Variants in BRSK2 observed in about 807,000 individuals in gnomAD.
BRSK2 encodes the protein BR serine/threonine kinase 2.
BRSK2 carries 19 observed loss-of-function variants against 83.3 expected under a neutral mutation model. The ratio of observed to expected loss-of-function variants is 0.23; its 90% CI spans 0.16 to 0.33. BRSK2 has a LOEUF of 0.33. Ranked by LOEUF, BRSK2 falls within the 10% of genes least tolerant of loss-of-function variation. The probability of loss-of-function intolerance (pLI) is 1.00; values close to 1 mark genes in which losing one functional copy is unlikely to be tolerated. For synonymous variants in BRSK2, 519 were observed against 435.4 expected (o/e 1.19, Z -2.39); for missense variants, 798 against 1,042.3 (o/e 0.77, Z 3.23).
chr11:1,428,307 C>T (rs1227911146), intron 1 of BRSK2, among the ~76,000 whole-genome samples: 6 of 152,328 alleles, frequency 3.9e-5, no homozygotes, highest in East Asian at 3.9e-4. Flanking sequence ...GCCTCAAGGA[C>T]GTGGGCAGGA....
At chr11:1,428,013 T>C (rs921369836) in intron 1 of BRSK2, among the ~76,000 whole-genome samples, 3 of 152,174 alleles carry the variant, frequency 2.0e-5, no homozygotes, top group Admixed American at 6.5e-5. Flanking sequence ...GACGCCTCTA[T>C]GCTGGGCTCT....
At chr11:1,447,884 T>A (rs1322345355) in intron 12 of BRSK2, 2 of 1,580,822 alleles carry the variant, frequency 1.3e-6, no homozygotes, top group South Asian at 2.2e-5. Flanking sequence ...CGACCACCCG[T>A]CCCCGCACCT....
At chr11:1,447,745 G>C (rs1456914727) in intron 12 of BRSK2, 2 of 1,551,790 alleles carry the variant, frequency 1.3e-6, no homozygotes. Flanking sequence ...GGGCCGACCT[G>C]TGCCCGCGTG....
intron 1 of BRSK2, among the ~76,000 whole-genome samples, chr11:1,434,988 A>G (rs1391381461): frequency 6.6e-6 from 1 of 151,340 alleles, no homozygotes; most frequent in African/African-American, 2.4e-5. Flanking sequence ...GGAGAGGAGA[A>G]AGGGAGGGTG....
chr11:1,445,865 T>C lies in BRSK2; in HGVS notation c.1184T>C (p.Val395Ala). The stretch of plus-strand genomic sequence containing the variant: ...AGCGTGACGGACGGCGGCTCCCCGG[T>C]GCCTGCGCGGCGGGCCATTGAGATG... ...VLSVTDGGSP[V>A]PARRAIEMAQ... Residue 395 changes from valine (V) to alanine (A), a missense_variant, in exon 12 of 20, where the codon GTG becomes GCG. Val to Ala is a moderately conservative substitution (Grantham distance 64). This residue lies in a region of BRSK2 where 51 missense variants were observed against 52.6 expected (regional missense o/e 0.97). Coordinates refer to ENST00000528841, the MANE Select transcript of BRSK2 (RefSeq NM_001256627.2). 6.2e-7 allele frequency: 1 copy of C among 1,611,978 alleles called. No homozygotes were observed. The highest frequency in any genetic ancestry group is 8.5e-7 in the Non-Finnish European group (1 of 1,179,492).
chr11:1,446,633 G>A (rs1852166744), intron 12 of BRSK2, among the ~76,000 whole-genome samples: 1 of 151,838 alleles, frequency 6.6e-6, no homozygotes, highest in Admixed American at 6.6e-5. Context: ...GTGGCCGGAG[G>A]AAGGGCACCC....
rs370784639 is a variant in BRSK2, at chr11:1,411,447, C to T, written c.91+21072C>T. 7.1e-5 allele frequency: 104 copies of T among 1,468,864 alleles called. No individual in the cohort carries two copies. Among genetic ancestry groups the T allele is most frequent in the African/African-American group, 5.8e-4 (40 of 68,562 alleles). 91.0% of individuals were successfully genotyped at this position (1,468,864 alleles called of 1,614,324 possible). A position where few individuals can be genotyped will look rare whatever the true frequency, so the allele number is the denominator to read the frequency against. On this transcript the variant is annotated intron_variant, in intron 1 of 19. Coordinates refer to ENST00000528841, the MANE Select transcript of BRSK2 (RefSeq NM_001256627.2). ...CCCCAGCCGATGGGCACGTCCCCGC[C>T]GGCCCTGCATCTGTCCTTCCTCCCT...
chr11:1,391,115 C>T (rs544740399), intron 1 of BRSK2, among the ~76,000 whole-genome samples: 30 of 152,334 alleles, frequency 2.0e-4, no homozygotes, highest in African/African-American at 7.0e-4. Context: ...CCTGCGGGGC[C>T]GAACCCAGGC....
intron 15 of BRSK2, among the ~76,000 whole-genome samples, chr11:1,451,799 T>C (rs1845849815): frequency 1.3e-5 from 2 of 151,990 alleles, no homozygotes; most frequent in Non-Finnish European, 2.9e-5. Context: ...GCAGGCCTGG[T>C]GGGAACACGT....
At chr11:1,418,113 G>C (rs1848282566) in intron 1 of BRSK2, among the ~76,000 whole-genome samples, 1 of 140,856 alleles carries the variant, frequency 7.1e-6, no homozygotes, top group Admixed American at 7.1e-5. Flanking sequence ...TCCTGCTTCT[G>C]TTGGCTGTTT....
At chr11:1,443,071 G>A (rs762961320) in intron 5 of BRSK2, 35 bp from the exon 6 acceptor site, 29 of 1,525,358 alleles carry the variant, frequency 1.9e-5, no homozygotes, top group South Asian at 4.8e-5. Context: ...GGCAGCGCCC[G>A]GAGCCCCGCC....
rs376884732 is a variant in BRSK2, at chr11:1,461,038, G to A, written c.*315G>A. Reference sequence around the variant, plus strand: ...CTCTGTGACCGAAGGCAGCTGCTGCGGACCCGCCCTCCCTCCGCTCCTGCT... The same window carrying A: ...CTCTGTGACCGAAGGCAGCTGCTGCAGACCCGCCCTCCCTCCGCTCCTGCT... On this transcript the variant is annotated 3_prime_UTR_variant, in exon 20 of 20. Coordinates refer to ENST00000528841, the MANE Select transcript of BRSK2 (RefSeq NM_001256627.2). 1.9e-5 allele frequency: 30 copies of A among 1,609,660 alleles called. No homozygotes were observed. Among genetic ancestry groups the A allele is most frequent in the Non-Finnish European group, 2.2e-5 (26 of 1,178,402 alleles).
At chr11:1,403,203 C>T (rs1249572234) in intron 1 of BRSK2, among the ~76,000 whole-genome samples, 1 of 152,166 alleles carries the variant, frequency 6.6e-6, no homozygotes, top group African/African-American at 2.4e-5. Flanking sequence ...TGGGGCAGTG[C>T]CCTTGTCACT....
intron 4 of BRSK2, among the ~76,000 whole-genome samples, chr11:1,442,096 G>A (rs544000365): frequency 9.4e-5 from 14 of 149,688 alleles, no homozygotes; most frequent in Non-Finnish European, 1.6e-4. Context: ...GCAGTGTGTC[G>A]GGAAGTTTTC....
intron 18 of BRSK2, 31 bp downstream of exon 18, chr11:1,456,718 G>A (rs748276862): frequency 2.9e-5 from 45 of 1,562,490 alleles, no homozygotes; most frequent in Non-Finnish European, 3.6e-5. Context: ...GCCAACCTGC[G>A]GCCTGCGAGT....
chr11:1,445,565 C>T lies in BRSK2; in HGVS notation c.978-6C>T, dbSNP rs1461175683. 1.3e-6 allele frequency: 2 copies of T among 1,582,670 alleles called. No individual in the cohort carries two copies. The highest frequency in any genetic ancestry group is 2.3e-5 in the East Asian group (1 of 43,502). On this transcript the variant is annotated splice_region_variant and splice_polypyrimidine_tract_variant and intron_variant, in intron 10 of 19. Transcript: ENST00000528841. ...CAGCGCGTCTCGCGCCTCTCGCCCG[C>T]TGTAGGGAGAACCAGGAGAAGATGA...
intron 15 of BRSK2, 50 bp downstream of exon 15, chr11:1,451,469 G>C (rs200352902): frequency 6.3e-7 from 1 of 1,590,722 alleles, no homozygotes. Flanking sequence ...CAGGCTGGCC[G>C]GGAGAGGGGC....
intron 19 of BRSK2, 184 bp downstream of exon 19, chr11:1,459,423 A>T (rs1323922361): frequency 4.6e-6 from 3 of 651,202 alleles, no homozygotes; most frequent in African/African-American, 3.6e-5. Flanking sequence ...CTCCCCTACC[A>T]CAGCAAGCCC....
rs1845677648 is a variant in BRSK2 at position 1,390,805 on chromosome 11, G to C, written c.91+430G>C. ...GTGCTGCCCGAGCAGCTGCGCCCCC[G>C]GCGGGACTCCCACCTCCGCGCGCCG... On this transcript the variant is annotated intron_variant, in intron 1 of 19. Coordinates refer to ENST00000528841, the MANE Select transcript of BRSK2 (RefSeq NM_001256627.2). This position sits in a 1 kb window ranked among gnomAD's most constrained non-coding sequence, Gnocchi z 6.8. Among the ~76,000 whole-genome samples the C allele has an allele frequency of 6.6e-6, 1 of 152,108 alleles. No homozygotes were observed. Among genetic ancestry groups the C allele is most frequent in the Admixed American group, 6.5e-5 (1 of 15,272 alleles).
Sources: gnomAD v4.1 joint callset for allele counts (sites outside exome capture counted in the v4.1 genomes callset) on GRCh38, gnomAD v4.1.1 for gene constraint, gnomAD v4.1.1 regional missense constraint, Gnocchi (gnomAD v3.1) non-coding constraint, MANE v1.5 for transcripts, NCBI Gene and HGNC (gene_info 2026-07-23, HGNC 2026-07-21) for gene names.